Variants in DISC1 observed in about 807,000 individuals in gnomAD.
DISC1 encodes the protein disrupted in schizophrenia 1 protein.
Under a neutral mutation model 84.5 loss-of-function variants are expected in DISC1, and 57 were observed. That is an observed-to-expected ratio of 0.67 (90% confidence interval 0.55 to 0.84). The LOEUF is 0.84. Among genes scored for constraint, DISC1 ranks in the 40% least tolerant of loss-of-function variants. DISC1 has a pLI of 0.00. For synonymous variants in DISC1, 411 were observed against 415.2 expected (o/e 0.99, Z 0.12); for missense variants, 1,000 against 1,057.8 (o/e 0.95, Z 0.76).
chr1:231,917,249 G>A (rs201454737), intron 9 of DISC1, among the ~76,000 whole-genome samples: 1 of 152,046 alleles, frequency 6.6e-6, no homozygotes, highest in African/African-American at 2.4e-5. Flanking sequence ...TTTCCCTGCG[G>A]CATTACTAAA....
At chr1:231,788,753 A>G (rs994630250) in intron 6 of DISC1, among the ~76,000 whole-genome samples, 1 of 152,202 alleles carries the variant, frequency 6.6e-6, no homozygotes, top group Non-Finnish European at 1.5e-5. Flanking sequence ...CACCCCAGCC[A>G]TACAGTCAAG....
intron 9 of DISC1, among the ~76,000 whole-genome samples, chr1:231,891,227 C>T (rs928236700): frequency 2.1e-4 from 31 of 148,672 alleles, no homozygotes; most frequent in Non-Finnish European, 6.0e-5. Context: ...AAGAAAATTG[C>T]AAAAAAAAAA....
At chr1:231,993,932 T>G (rs1665568989) in intron 10 of DISC1, among the ~76,000 whole-genome samples, 2 of 152,198 alleles carry the variant, frequency 1.3e-5, no homozygotes, top group South Asian at 2.1e-4. Flanking sequence ...GAAAATAAAT[T>G]GTTATTCGAA....
At chr1:231,863,042 C>T (rs554521260) in intron 9 of DISC1, among the ~76,000 whole-genome samples, 1 of 152,046 alleles carries the variant, frequency 6.6e-6, no homozygotes, top group African/African-American at 2.4e-5. Context: ...TCGGTCACCC[C>T]ATTTTGGTAA....
chr1:231,914,033 G>A (rs1240298265), intron 9 of DISC1, among the ~76,000 whole-genome samples: 1 of 152,178 alleles, frequency 6.6e-6, no homozygotes, highest in Admixed American at 6.5e-5. Flanking sequence ...TTGCAACAAG[G>A]AAGGAGTTCT....
intron 10 of DISC1, among the ~76,000 whole-genome samples, chr1:231,982,085 TG>T (rs1663685457): frequency 6.6e-6 from 1 of 152,122 alleles, no homozygotes; most frequent in Admixed American, 6.5e-5. Context: ...CATGATTCCA[TG>T]GAAAGCTGAC....
chr1:231,851,546 C>T (rs200397470), intron 9 of DISC1, among the ~76,000 whole-genome samples: 2 of 152,214 alleles, frequency 1.3e-5, no homozygotes, highest in African/African-American at 2.4e-5. Context: ...CATTTCACAC[C>T]TCACGTGGAA....
chr1:231,969,492 G>T (rs1017762696), intron 10 of DISC1, among the ~76,000 whole-genome samples: 1 of 151,750 alleles, frequency 6.6e-6, no homozygotes, highest in Non-Finnish European at 1.5e-5. Flanking sequence ...GAGCTCCAAG[G>T]CCCCTCCTCT....
chr1:231,783,958 C>T (rs1442043671), intron 6 of DISC1, among the ~76,000 whole-genome samples: 2 of 152,090 alleles, frequency 1.3e-5, no homozygotes, highest in African/African-American at 4.8e-5. Context: ...AAAAAGGGTT[C>T]ATGGTCTTAT....
chr1:231,888,656 T>A (rs1225338014), intron 9 of DISC1, among the ~76,000 whole-genome samples: 1 of 142,452 alleles, frequency 7.0e-6, no homozygotes, highest in Non-Finnish European at 1.5e-5. Flanking sequence ...GAGAATGGCA[T>A]GAAGCCGGGA....
intron 9 of DISC1, among the ~76,000 whole-genome samples, chr1:231,937,139 C>A (rs1208128426): frequency 1.3e-5 from 2 of 152,192 alleles, no homozygotes; most frequent in African/African-American, 4.8e-5. Flanking sequence ...TTCCATTAAA[C>A]CTGTATCCCC....
intron 9 of DISC1, among the ~76,000 whole-genome samples, chr1:231,935,472 G>A (rs114637027): frequency 0.016 from 2,502 of 152,222 alleles, 35 homozygotes; most frequent in Admixed American, 0.025. Flanking sequence ...TCCTCTACGC[G>A]TGATATAAAA....
At chr1:231,958,750 T>G in intron 9 of DISC1, 78 bp from the exon 10 acceptor site, 2 of 1,433,460 alleles carry the variant, frequency 1.4e-6, no homozygotes, top group Non-Finnish European at 2.0e-6. Context: ...TCCTTTGGCT[T>G]TGAGCTTTTA....
At chr1:231,870,583 A>G (rs1163967111) in intron 9 of DISC1, among the ~76,000 whole-genome samples, 3 of 152,192 alleles carry the variant, frequency 2.0e-5, no homozygotes, top group African/African-American at 7.2e-5. Context: ...TGGCTCCATC[A>G]GTTTCCATAA....
chr1:231,651,027 G>A lies in DISC1; in HGVS notation c.67+24093G>A, dbSNP rs2060579021. 2.0e-5 allele frequency among the ~76,000 whole-genome samples: 3 copies of A among 152,246 alleles called. No individual in the cohort carries two copies. The South Asian group carries it at 6.2e-4, about 32-fold the overall frequency. On this transcript the variant is annotated intron_variant, in intron 1 of 12. Transcript: ENST00000439617. Reference sequence around the variant, plus strand: ...TTCAAATGTCCTCCTTTAGCTCGGAGAAGTTTGTTATTACTGACCTTCTGA... The same window carrying A: ...TTCAAATGTCCTCCTTTAGCTCGGAAAAGTTTGTTATTACTGACCTTCTGA...
At chr1:231,720,070 C>G (rs201374136) in intron 3 of DISC1, among the ~76,000 whole-genome samples, 83 of 152,050 alleles carry the variant, frequency 5.5e-4, no homozygotes, top group Non-Finnish European at 1.1e-3. Context: ...TGAAGCAGCC[C>G]CTGTTTGCTA....
At chr1:231,994,683 G>C (rs1179031097) in intron 10 of DISC1, among the ~76,000 whole-genome samples, 3 of 152,186 alleles carry the variant, frequency 2.0e-5, no homozygotes, top group Non-Finnish European at 4.4e-5. Flanking sequence ...TGGGAGTGGG[G>C]ATGGGGATGA....
At chr1:231,670,427 T>G (rs200279055) in intron 1 of DISC1, among the ~76,000 whole-genome samples, 51 of 152,298 alleles carry the variant, frequency 3.3e-4, no homozygotes, top group South Asian at 1.0e-3. Flanking sequence ...CTGTCAAGAT[T>G]GGGTTGAAAA....
rs1318431347 is a variant in DISC1, at chr1:231,699,666, C to T, written c.1048-2289C>T. Among the ~76,000 whole-genome samples the T allele has an allele frequency of 2.0e-5, 3 of 152,208 alleles. No individual in the cohort carries two copies. The East Asian group carries it at 5.8e-4, about 29-fold the overall frequency. On this transcript the variant is annotated intron_variant, in intron 2 of 12. Coordinates refer to ENST00000439617, the MANE Select transcript of DISC1 (RefSeq NM_018662.3). ...TTCCCATAGCCTCTTACCTGGCCTC[C>T]CTTCTTCTGCTCTTACTAACAGCAG...
Sources: gnomAD v4.1 joint callset for allele counts (sites outside exome capture counted in the v4.1 genomes callset) on GRCh38, gnomAD v4.1.1 for gene constraint, MANE v1.5 for transcripts, NCBI Gene and HGNC (gene_info 2026-07-23, HGNC 2026-07-21) for gene names.